Variants in MACROD1 observed in about 807,000 individuals in gnomAD.
The protein encoded by MACROD1 is ADP-ribose glycohydrolase MACROD1.
In MACROD1, 31 loss-of-function variants were observed where a neutral mutation model predicts 41.4. The observed-to-expected ratio is 0.75, with a 90% CI of 0.56 to 1.01. The LOEUF (loss-of-function observed/expected upper bound fraction) is 1.01, where lower values mean the gene tolerates loss of function less well. Among genes scored for constraint, MACROD1 ranks in the 50% least tolerant of loss-of-function variants. MACROD1 has a pLI of 0.00. For missense variants in MACROD1, 473 were observed against 460.0 expected (o/e 1.03, Z -0.26); for synonymous variants, 252 against 203.4 (o/e 1.24, Z -2.03).
chr11:64,113,239 A>G (rs1944892874), intron 3 of MACROD1, among the ~76,000 whole-genome samples: 1 of 152,258 alleles, frequency 6.6e-6, no homozygotes, highest in Non-Finnish European at 1.5e-5. Context: ...ATATTAGGAA[A>G]GTTCTCAGCA....
rs558587683 is a variant in MACROD1, at chr11:64,090,696, C to G, written c.517+60543G>C. 6.1e-3 allele frequency among the ~76,000 whole-genome samples: 931 copies of G among 152,210 alleles called. 5 individuals carry two copies. Among genetic ancestry groups the G allele is most frequent in the African/African-American group, 0.021 (889 of 41,530 alleles). Reference sequence around the variant, plus strand: ...ACCACTTCTCTGAGGCGGGGACGTCCCAAGACTAAAATGGGGGCAGGGGTG... The same window carrying G: ...ACCACTTCTCTGAGGCGGGGACGTCGCAAGACTAAAATGGGGGCAGGGGTG... On this transcript the variant is annotated intron_variant, in intron 3 of 10. Transcript: ENST00000255681. The surrounding 1 kb of genome is among the most constrained non-coding windows in gnomAD (Gnocchi z 4.7).
At chr11:64,125,609 T>C (rs1945166237) in intron 3 of MACROD1, among the ~76,000 whole-genome samples, 1 of 152,198 alleles carries the variant, frequency 6.6e-6, no homozygotes, top group African/African-American at 2.4e-5. Context: ...TCAGCAGCTT[T>C]ACCTCTTGGA....
In MACROD1 at chr11:63,999,580, A is replaced by AG. The variant is rs1409926217; in HGVS notation, c.787-21dup. ...GAACGCCTGGGCGGGGAGGGGTGAG[A>AG]GGGGGTTGGAACATTGTCACTGCGC... On this transcript the variant is annotated intron_variant, in intron 6 of 10. Coordinates refer to ENST00000255681, the MANE Select transcript of MACROD1 (RefSeq NM_014067.4). 1 of 1,610,178 alleles carries AG rather than the reference A, an allele frequency of 6.2e-7. No individual in the cohort carries two copies. Among genetic ancestry groups the AG allele is most frequent in the East Asian group, 2.2e-5 (1 of 44,752 alleles).
At chr11:64,104,784 G>C (rs1944729925) in intron 3 of MACROD1, among the ~76,000 whole-genome samples, 1 of 152,204 alleles carries the variant, frequency 6.6e-6, no homozygotes, top group Non-Finnish European at 1.5e-5. Flanking sequence ...AGCAAGCTGA[G>C]GCCCAGAGAA....
chr11:64,153,597 G>A (rs1169221783), intron 1 of MACROD1, among the ~76,000 whole-genome samples: 3 of 152,122 alleles, frequency 2.0e-5, no homozygotes, highest in Non-Finnish European at 4.4e-5. Context: ...TGCTGGCAGG[G>A]GTGATAACAA....
chr11:64,085,692 A>G (rs1944382170), intron 3 of MACROD1, among the ~76,000 whole-genome samples: 1 of 152,278 alleles, frequency 6.6e-6, no homozygotes, highest in Middle Eastern at 3.4e-3. Flanking sequence ...ACCCACAGAC[A>G]GGCCCAGGGG....
intron 3 of MACROD1, among the ~76,000 whole-genome samples, chr11:64,101,197 G>A (rs948486785): frequency 1.9e-4 from 29 of 152,156 alleles, no homozygotes; most frequent in Non-Finnish European, 4.0e-4. Context: ...GTACAGTGAA[G>A]GGCCAGGCTG....
At chr11:64,061,066 C>G (rs981844995) in intron 3 of MACROD1, among the ~76,000 whole-genome samples, 1 of 152,046 alleles carries the variant, frequency 6.6e-6, no homozygotes, top group South Asian at 2.1e-4. Flanking sequence ...GGCTTGGCGT[C>G]CCCCCCACTC....
At chr11:64,018,734 C>T (rs1943114953) in intron 3 of MACROD1, among the ~76,000 whole-genome samples, 1 of 152,244 alleles carries the variant, frequency 6.6e-6, no homozygotes, top group African/African-American at 2.4e-5. Context: ...AACAAGTCAT[C>T]AACCCAGTTT....
intron 3 of MACROD1, among the ~76,000 whole-genome samples, chr11:64,056,115 C>T (rs552812465): frequency 2.4e-3 from 363 of 152,268 alleles, no homozygotes; most frequent in African/African-American, 7.8e-3. Context: ...GCTCCACCCC[C>T]GGCAATAAGC....
intron 3 of MACROD1, among the ~76,000 whole-genome samples, chr11:64,030,814 G>A (rs1396513372): frequency 1.3e-5 from 2 of 152,042 alleles, no homozygotes; most frequent in African/African-American, 4.8e-5. Flanking sequence ...TACTCGGGAG[G>A]CTGAGGTGGG....
Position 63,999,902 on chromosome 11 carries a change from C to T in MACROD1, c.665-139G>A, listed in dbSNP as rs543316620. ...TGAGCCTCCTCCGCGAAGGCCCCCA[C>T]CCCTGTGGGCCCCCTCGAGCCCGAA... On this transcript the variant is annotated intron_variant, in intron 5 of 10. Coordinates refer to ENST00000255681, the MANE Select transcript of MACROD1 (RefSeq NM_014067.4). 7.1e-4 allele frequency: 697 copies of T among 982,912 alleles called. 6 individuals carry two copies. The African/African-American group carries it at 0.011, about 15-fold the overall frequency. The allele number at this position is 982,912 out of a possible 1,614,324, so 60.9% of individuals were successfully genotyped here. A position where few individuals can be genotyped will look rare whatever the true frequency, so the allele number is the denominator to read the frequency against.
chr11:64,152,395 T>C lies in MACROD1; in HGVS notation c.299-2A>G, dbSNP rs1475634521. ...TGTCACTCAGGCCCTTCAGAAAGGC[T>C]GCAGAGGCAGGAAGGAGGATCAGGG... On this transcript the variant is annotated splice_acceptor_variant, in intron 1 of 10. Transcript: ENST00000255681. LOFTEE classifies it high-confidence loss of function. 3 of 1,613,170 alleles carry C rather than the reference T, an allele frequency of 1.9e-6. No homozygotes were observed. Among genetic ancestry groups the C allele is most frequent in the African/African-American group, 1.3e-5 (1 of 74,938 alleles).
At chr11:64,075,748 C>T (rs1260772664) in intron 3 of MACROD1, among the ~76,000 whole-genome samples, 2 of 152,268 alleles carry the variant, frequency 1.3e-5, no homozygotes, top group Admixed American at 1.3e-4. Flanking sequence ...TCTCAGCTCA[C>T]TGCAACCTCC....
Position 64,036,433 on chromosome 11 carries a change from G to A in MACROD1, c.518-21152C>T, listed in dbSNP as rs1349934970. On this transcript the variant is annotated intron_variant, in intron 3 of 10. Transcript: ENST00000255681. The surrounding 1 kb of genome is among the most constrained non-coding windows in gnomAD (Gnocchi z 5.6). ...GCCGGCGGCTCAGCTCTCCCGAGCC[G>A]AGGCTGGAAAGGGCGGGGGCTCAGC... Among the ~76,000 whole-genome samples the A allele has an allele frequency of 1.3e-5, 2 of 152,136 alleles. No homozygotes were observed. The highest frequency in any genetic ancestry group is 2.4e-5 in the African/African-American group (1 of 41,448).
At chr11:64,115,726 C>T (rs2134613149) in intron 3 of MACROD1, among the ~76,000 whole-genome samples, 2 of 152,312 alleles carry the variant, frequency 1.3e-5, no homozygotes, top group Admixed American at 6.5e-5. Context: ...ATCCTGGGTC[C>T]GAGCCAGACA....
chr11:64,165,623 G>C, intron 1 of MACROD1, 74 bp downstream of exon 1: 1 of 1,287,476 alleles, frequency 7.8e-7, no homozygotes, highest in South Asian at 2.0e-5. Context: ...CTGCTCGCTC[G>C]TTGGGGGCCG....
At chr11:64,147,543 C>T (rs558459143) in intron 3 of MACROD1, among the ~76,000 whole-genome samples, 1 of 147,568 alleles carries the variant, frequency 6.8e-6, no homozygotes, top group East Asian at 2.0e-4. Flanking sequence ...CTACCTCAGC[C>T]TCCCAAGTAG....
chr11:63,998,651 A>C lies in MACROD1; in HGVS notation c.*67T>G. On this transcript the variant is annotated 3_prime_UTR_variant, in exon 11 of 11. Transcript: ENST00000255681. ...CCAGGCCAGGCTGCAGGCTTTGGCG[A>C]CCTCTCAGAGCTGGGAGCGGGGTCC... 5 of 1,308,804 alleles carry C rather than the reference A, an allele frequency of 3.8e-6. No homozygotes were observed. The highest frequency in any genetic ancestry group is 4.8e-6 in the Non-Finnish European group (5 of 1,031,852). The allele number at this position is 1,308,804 out of a possible 1,614,324, so 81.1% of individuals were successfully genotyped here. A position where few individuals can be genotyped will look rare whatever the true frequency, so the allele number is the denominator to read the frequency against.
Sources: allele counts gnomAD v4.1 joint callset (sites outside exome capture counted in the v4.1 genomes callset), GRCh38; gene constraint gnomAD v4.1.1; non-coding constraint Gnocchi (gnomAD v3.1); transcripts MANE v1.5; gene names NCBI Gene and HGNC (gene_info 2026-07-23, HGNC 2026-07-21).